The following CCDC171 variants were observed in gnomAD, a reference collection of about 807,000 sequenced individuals.
CCDC171 encodes the protein coiled-coil domain containing 171.
In CCDC171, 177 loss-of-function variants were observed where a neutral mutation model predicts 168.2. The observed-to-expected ratio is 1.05, with a 90% CI of 0.93 to 1.19. The LOEUF (loss-of-function observed/expected upper bound fraction) is 1.19. Among genes scored for constraint, CCDC171 ranks in the 50% most tolerant of loss-of-function variants. The pLI, the probability that CCDC171 is intolerant of heterozygous loss-of-function variation, is 0.00. For synonymous variants in CCDC171, 687 were observed against 540.8 expected (o/e 1.27, Z -3.75); for missense variants, 1,991 against 1,539.0 (o/e 1.29, Z -4.91).
At chr9:15,780,524 A>C (rs1221761093) in intron 20 of CCDC171, among the ~76,000 whole-genome samples, 1 of 152,198 alleles carries the variant, frequency 6.6e-6, no homozygotes, top group Non-Finnish European at 1.5e-5. Context: ...CTCTAAAAAA[A>C]AAATTATATT....
chr9:15,851,612 C>G (rs934297381), intron 23 of CCDC171, among the ~76,000 whole-genome samples: 1 of 151,786 alleles, frequency 6.6e-6, no homozygotes, highest in Non-Finnish European at 1.5e-5. Context: ...AAACAACTCA[C>G]CAGTTTAACC....
chr9:15,908,659 AAG>A (rs1290676226), intron 24 of CCDC171, among the ~76,000 whole-genome samples: 11 of 152,358 alleles, frequency 7.2e-5, no homozygotes, highest in East Asian at 5.8e-4. Context: ...TATAAAAAAA[AAG>A]AGAAATATCT....
chr9:15,971,655 C>T lies in CCDC171; in HGVS notation c.3800C>T (p.Pro1267Leu). 8 of 1,613,836 alleles carry T rather than the reference C, an allele frequency of 5.0e-6. No homozygotes were observed. The highest frequency in any genetic ancestry group is 6.8e-6 in the Non-Finnish European group (8 of 1,179,888). ...AATCTCTCCATTCCTTCAAGAGCTC[C>T]TCTTCCTGCTGACACAACTGGTATT... ...HSNLSIPSRAPLPADTTGIGD... is the reference protein window; with the variant it reads ...HSNLSIPSRALLPADTTGIGD... The change falls in exon 26 of 26, where the codon CCT (proline) becomes CTT (leucine). Residue 1267 changes from proline (P) to leucine (L), a missense_variant. Physicochemically the swap from Pro to Leu is moderately conservative, Grantham distance 98. Transcript: ENST00000380701.
chr9:15,912,980 G>T (rs1563989563), intron 24 of CCDC171, among the ~76,000 whole-genome samples: 1 of 152,182 alleles, frequency 6.6e-6, no homozygotes, highest in East Asian at 1.9e-4. Context: ...ATTCATCAGG[G>T]ATATTGGCTT....
At chr9:15,855,864 T>C (rs1414193716) in intron 23 of CCDC171, among the ~76,000 whole-genome samples, 1 of 151,960 alleles carries the variant, frequency 6.6e-6, no homozygotes, top group Admixed American at 6.6e-5. Context: ...AATTACATTC[T>C]TATATATTGT....
chr9:15,976,875 A>C (rs1238145054), downstream of CCDC171, among the ~76,000 whole-genome samples: 1 of 152,090 alleles, frequency 6.6e-6, no homozygotes, highest in East Asian at 1.9e-4. Flanking sequence ...GGTTTAATTT[A>C]GTGAGAGAAA....
At chr9:15,943,112 A>G (rs964249018) in intron 25 of CCDC171, among the ~76,000 whole-genome samples, 2 of 152,120 alleles carry the variant, frequency 1.3e-5, no homozygotes, top group African/African-American at 4.8e-5. Flanking sequence ...TTGTGGCAAC[A>G]TAAGAATGGT....
In CCDC171 at chr9:15,817,409, G is replaced by A. The variant is rs550778304; in HGVS notation, c.3268-29293G>A. Among the ~76,000 whole-genome samples, 19 of 118,332 alleles carry A rather than the reference G, an allele frequency of 1.6e-4. 1 individual carries two copies. In the East Asian group the frequency reaches 3.7e-3, roughly 23 times the overall value. 77.6% of individuals were successfully genotyped at this position (118,332 alleles called of 152,430 possible). A position where few individuals can be genotyped will look rare whatever the true frequency, so the allele number is the denominator to read the frequency against. On this transcript the variant is annotated intron_variant, in intron 21 of 25. Coordinates refer to ENST00000380701, the MANE Select transcript of CCDC171 (RefSeq NM_173550.4). ...AGCAGGGCGAGGCATTGCGTCACCC[G>A]GGAAGCACAAGGGGTCAGGGAATTC...
chr9:15,990,306 T>A (rs1342191497), intron 3 of CCDC171, among the ~76,000 whole-genome samples: 4 of 152,208 alleles, frequency 2.6e-5, no homozygotes, highest in African/African-American at 9.6e-5. Flanking sequence ...CAACCCAGAA[T>A]TTCATATCCA....
chr9:15,883,532 A>G (rs1236943850), intron 24 of CCDC171, among the ~76,000 whole-genome samples: 1 of 152,198 alleles, frequency 6.6e-6, no homozygotes, highest in African/African-American at 2.4e-5. Flanking sequence ...TACATCTTGC[A>G]TCCTGGGTTG....
At chr9:15,628,889 G>T (rs372026147) in intron 7 of CCDC171, among the ~76,000 whole-genome samples, 1 of 152,196 alleles carries the variant, frequency 6.6e-6, no homozygotes, top group Non-Finnish European at 1.5e-5. Flanking sequence ...CCGCTGTTCT[G>T]CAGCCACCGC....
chr9:15,605,658 G>T (rs12552496), intron 6 of CCDC171, among the ~76,000 whole-genome samples: 15 of 148,026 alleles, frequency 1.0e-4, no homozygotes, highest in African/African-American at 1.7e-4. Context: ...CTGCACTCCA[G>T]CCTGGGCGAC....
chr9:15,609,814 C>A (rs538034339), intron 6 of CCDC171, among the ~76,000 whole-genome samples: 1 of 152,024 alleles, frequency 6.6e-6, no homozygotes, highest in African/African-American at 2.4e-5. Flanking sequence ...AGGGGTTATT[C>A]TTGGCTTTTT....
At chr9:15,712,545 T>TTAAA (rs2052747502) in intron 11 of CCDC171, among the ~76,000 whole-genome samples, 2 of 152,232 alleles carry the variant, frequency 1.3e-5, no homozygotes, top group South Asian at 4.1e-4. Context: ...TGATGGTGAA[T>TTAAA]TAAAGTATTT....
intron 24 of CCDC171, among the ~76,000 whole-genome samples, chr9:15,892,873 TA>T (rs1820404016): frequency 1.3e-5 from 2 of 152,154 alleles, no homozygotes; most frequent in Non-Finnish European, 2.9e-5. Context: ...AAATAATTTA[TA>T]GATTCAATGC....
intron 16 of CCDC171, among the ~76,000 whole-genome samples, chr9:15,741,063 C>T (rs891190709): frequency 6.6e-6 from 1 of 152,008 alleles, no homozygotes; most frequent in Admixed American, 6.5e-5. Context: ...GGGGTTTTCT[C>T]TTCCATTATT....
the CCDC171 span, among the ~76,000 whole-genome samples, chr9:16,101,398 G>C: frequency 1.3e-5 from 2 of 152,198 alleles, no homozygotes; most frequent in African/African-American, 4.8e-5. Flanking sequence ...CTATTAGGCA[G>C]AATTCTGAGA....
chr9:15,847,920 G>A (rs189708147), intron 22 of CCDC171, among the ~76,000 whole-genome samples: 111 of 152,108 alleles, frequency 7.3e-4, no homozygotes, highest in African/African-American at 2.5e-3. Flanking sequence ...AAATTGTAAA[G>A]CTATGTAACA....
intron 6 of CCDC171, among the ~76,000 whole-genome samples, chr9:16,023,245 C>T (rs1002615991): frequency 6.6e-6 from 1 of 152,076 alleles, no homozygotes; most frequent in Non-Finnish European, 1.5e-5. Context: ...CCACATAAAA[C>T]GTAATCTCTG....
Sources: gnomAD v4.1 joint callset for allele counts (sites outside exome capture counted in the v4.1 genomes callset) on GRCh38, gnomAD v4.1.1 for gene constraint, MANE v1.5 for transcripts, NCBI Gene and HGNC (gene_info 2026-07-23, HGNC 2026-07-21) for gene names.